The following UFD1 variants were observed in gnomAD, a reference collection of about 807,000 sequenced individuals.
UFD1 encodes the protein ubiquitin recognition factor in ER associated degradation 1.
UFD1 carries 13 observed loss-of-function variants against 45.9 expected under a neutral mutation model. That is an observed-to-expected ratio of 0.28 (90% CI 0.18 to 0.45). UFD1 has a LOEUF of 0.45. Ranked by LOEUF, UFD1 falls within the 20% of genes least tolerant of loss-of-function variation. UFD1 has a pLI of 1.00. For synonymous variants in UFD1, 128 were observed against 139.2 expected (o/e 0.92, Z 0.56); for missense variants, 218 against 389.2 (o/e 0.56, Z 3.70).
intron 11 of UFD1, chr22:19,453,566 G>A (rs1428623951): frequency 3.0e-6 from 3 of 985,398 alleles, no homozygotes; most frequent in Non-Finnish European, 3.6e-6. Flanking sequence ...AGTGAGAAAG[G>A]CAGCCTGTAG....
chr22:19,450,748 G>C lies in UFD1; in HGVS notation c.850-4C>G, dbSNP rs756591953. 2 of 1,614,044 alleles carry C rather than the reference G, an allele frequency of 1.2e-6. No individual in the cohort carries two copies. The highest frequency in any genetic ancestry group is 1.7e-6 in the Non-Finnish European group (2 of 1,179,992). On this transcript the variant is annotated splice_polypyrimidine_tract_variant and splice_region_variant and intron_variant, in intron 11 of 11. Transcript: ENST00000263202. ...CGAATCTGCCTCCAGCTTCATCCTAGGTTTGAAGAGAAGATACTATTTTCA... is the reference window on the plus strand; with the variant it reads ...CGAATCTGCCTCCAGCTTCATCCTACGTTTGAAGAGAAGATACTATTTTCA...
intron 4 of UFD1, among the ~76,000 whole-genome samples, chr22:19,470,207 C>A (rs929179297): frequency 6.6e-6 from 1 of 152,192 alleles, no homozygotes; most frequent in Admixed American, 6.5e-5. Flanking sequence ...TAAAAGCCCC[C>A]CAACAGGCCA....
At chr22:19,459,600 G>C (rs765726181) in intron 6 of UFD1, among the ~76,000 whole-genome samples, 4 of 152,082 alleles carry the variant, frequency 2.6e-5, no homozygotes, top group Non-Finnish European at 5.9e-5. Flanking sequence ...GGGCAACAGA[G>C]CGAGACTCTG....
rs1601910484 is a variant in UFD1, at chr22:19,479,146, AC to A, written c.-62del. 4 of 1,592,404 alleles carry A rather than the reference AC, an allele frequency of 2.5e-6. No homozygotes were observed. Among genetic ancestry groups the A allele is most frequent in the Admixed American group, 1.8e-5 (1 of 56,690 alleles). ...GCAATGCAACGAAGAAACCCCGCCG[AC>A]CGCTCTCCCAGCCGCCGCTGCCGCT... On this transcript the variant is annotated 5_prime_UTR_variant, in exon 1 of 12. Transcript: ENST00000263202.
chr22:19,471,234 A>T (rs2089842543), intron 4 of UFD1: 1 of 514,258 alleles, frequency 1.9e-6, no homozygotes, highest in Non-Finnish European at 3.9e-6. Context: ...AAGGAAAAAG[A>T]CGTCACTCCC....
At position 19,475,531 on chromosome 22, in the gene UFD1, G is replaced by A; in HGVS notation, c.75C>T (p.Cys25=). 1 of 1,614,220 alleles carries A rather than the reference G, an allele frequency of 6.2e-7. No individual in the cohort carries two copies. Among genetic ancestry groups the A allele is most frequent in the African/African-American group, 1.3e-5 (1 of 75,058 alleles). Residue 25 remains cysteine, a synonymous_variant, in exon 2 of 12, where the codon TGC becomes TGT. Coordinates refer to ENST00000263202, the MANE Select transcript of UFD1 (RefSeq NM_005659.7). ...FQNRFSTQYR[C]FSVSMLAGPN... is the part of the protein sequence containing the mutation. ...GCCCTGCTAGCATGGACACAGAGAA[G>A]CAGCGGTACTGTGTGGAGAAGCGGT...
Position 19,467,945 on chromosome 22 carries a change from A to C in UFD1, c.350T>G (p.Leu117Arg). 6.2e-7 allele frequency: 1 copy of C among 1,614,166 alleles called. No individual in the cohort carries two copies. The highest frequency in any genetic ancestry group is 8.5e-7 in the Non-Finnish European group (1 of 1,180,022). ...GAATTTGGAGTAGGTGGCCACTTGAAGGTTGACGCTCTCCACCTGGACCAG... is the reference window on the plus strand; with the variant it reads ...GAATTTGGAGTAGGTGGCCACTTGACGGTTGACGCTCTCCACCTGGACCAG... ...GGLVQVESVNLQVATYSKFQP... is the reference protein window; with the variant it reads ...GGLVQVESVNRQVATYSKFQP... Residue 117 changes from leucine (L) to arginine (R), a missense_variant, in exon 5 of 12, where the codon CTT becomes CGT. Transcript: ENST00000263202.
rs560410561 is a variant in UFD1 at position 19,453,122 on chromosome 22, C to T, written c.849+1627G>A. 2,039 of 985,424 alleles carry T rather than the reference C, an allele frequency of 2.1e-3. 5 individuals carry two copies. Among genetic ancestry groups the T allele is most frequent in the Non-Finnish European group, 2.3e-3 (1,926 of 829,948 alleles). The allele number at this position is 985,424 out of a possible 1,614,324, so 61.0% of individuals were successfully genotyped here. On this transcript the variant is annotated intron_variant, in intron 11 of 11. Coordinates refer to ENST00000263202, the MANE Select transcript of UFD1 (RefSeq NM_005659.7). The stretch of plus-strand genomic sequence containing the variant: ...CTAGAGACCTACTGGAGTCGAGCCT[C>T]CAGCCTTCTGGGATGGGGGAGGGAG...
In UFD1 at chr22:19,455,702, T is replaced by C. The variant is rs752919426; in HGVS notation, c.745A>G (p.Ile249Val). Residue 249 changes from isoleucine to valine, a missense_variant, in exon 10 of 12, where the codon ATC (isoleucine) becomes GTC (valine). This residue lies in a region of UFD1 where 69 missense variants were observed against 81.7 expected (regional missense o/e 0.84). Coordinates refer to ENST00000263202, the MANE Select transcript of UFD1 (RefSeq NM_005659.7). ...TACCTTTTAATATCTCCAGGCTTGA[T>C]TGGGGAGGGGCTGGGCTCTACCCCT... ...KKGVEPSPSP[I>V]KPGDIKRGIP... is the part of the protein sequence containing the mutation. 33 of 1,613,828 alleles carry C rather than the reference T, an allele frequency of 2.0e-5. No individual in the cohort carries two copies. The highest frequency in any genetic ancestry group is 4.0e-5 in the African/African-American group (3 of 74,898).
At chr22:19,465,334 T>C (rs1050127772) in intron 5 of UFD1, 60 bp from the exon 6 acceptor site, 20 of 1,475,630 alleles carry the variant, frequency 1.4e-5, no homozygotes, top group Middle Eastern at 3.4e-4. Context: ...TGAAACAAGT[T>C]TCCATGTTAG....
intron 5 of UFD1, chr22:19,465,868 A>T (rs1277298048): frequency 6.6e-6 from 1 of 152,306 alleles, no homozygotes; most frequent in Non-Finnish European, 1.5e-5. Context: ...TTGAGCTGAT[A>T]ACTTTAGTTA....
At chr22:19,456,702 C>T (rs2089725858) in intron 8 of UFD1, 68 bp from the exon 9 acceptor site, 1 of 1,613,578 alleles carries the variant, frequency 6.2e-7, no homozygotes, top group Admixed American at 1.7e-5. Flanking sequence ...TCACCCCCAC[C>T]CCCGGCTAGG....
intron 11 of UFD1, chr22:19,451,043 G>A (rs2089677788): frequency 9.3e-7 from 1 of 1,074,988 alleles, no homozygotes; most frequent in Admixed American, 4.4e-5. Context: ...AGGATGGTTT[G>A]AGCCAGGGCC....
In UFD1 at chr22:19,455,712, G is replaced by A; in HGVS notation, c.735C>T (p.Ser245=). ...TATCTCCAGGCTTGATTGGGGAGGG[G>A]CTGGGCTCTACCCCTTTCTTCTTTC... ...LDGKKKGVEP[S]PSPIKPGDIK... Residue 245 remains serine, a synonymous_variant, in exon 10 of 12, where the codon AGC becomes AGT. Coordinates refer to ENST00000263202, the MANE Select transcript of UFD1 (RefSeq NM_005659.7). The A allele has an allele frequency of 6.2e-7, 1 of 1,614,072 alleles. No homozygotes were observed. The highest frequency in any genetic ancestry group is 8.5e-7 in the Non-Finnish European group (1 of 1,179,954).
In UFD1 at chr22:19,450,973, C is replaced by G. The variant is rs184894268; in HGVS notation, c.850-229G>C. 3.3e-6 allele frequency: 4 copies of G among 1,202,702 alleles called. No homozygotes were observed. The East Asian group carries it at 1.1e-4, about 32-fold the overall frequency. The allele number at this position is 1,202,702 out of a possible 1,614,324, so 74.5% of individuals were successfully genotyped here. On this transcript the variant is annotated intron_variant, in intron 11 of 11. Coordinates refer to ENST00000263202, the MANE Select transcript of UFD1 (RefSeq NM_005659.7). Reference sequence around the variant, plus strand: ...CAACATAGTGAGATCCCATCTCTACCAAAAATAGCTCAGTGTGGTATGTGC... The same window carrying G: ...CAACATAGTGAGATCCCATCTCTACGAAAAATAGCTCAGTGTGGTATGTGC...
intron 3 of UFD1, 144 bp downstream of exon 3, chr22:19,474,924 G>T: frequency 3.9e-6 from 3 of 765,932 alleles, no homozygotes; most frequent in Non-Finnish European, 4.0e-6. Context: ...GGTTCTCCCA[G>T]CCCAGCGCAT....
At chr22:19,465,714 T>C (rs2089797148) in intron 5 of UFD1, 2 of 157,354 alleles carry the variant, frequency 1.3e-5, no homozygotes, top group Admixed American at 6.2e-5. Flanking sequence ...GTGCATTTTA[T>C]TGTATACAAA....
At chr22:19,459,523 G>A (rs549552337) in intron 6 of UFD1, among the ~76,000 whole-genome samples, 2 of 152,208 alleles carry the variant, frequency 1.3e-5, no homozygotes, top group Non-Finnish European at 2.9e-5. Flanking sequence ...GCTGAGGCAG[G>A]AGAATGGTGT....
At chr22:19,460,684 G>A (rs985897617) in intron 6 of UFD1, among the ~76,000 whole-genome samples, 1 of 151,744 alleles carries the variant, frequency 6.6e-6, no homozygotes, top group Non-Finnish European at 1.5e-5. Context: ...TTATGACAAT[G>A]CCAAATTACT....
Sources: gnomAD v4.1 joint callset for allele counts (sites outside exome capture counted in the v4.1 genomes callset) on GRCh38, gnomAD v4.1.1 for gene constraint, gnomAD v4.1.1 regional missense constraint, MANE v1.5 for transcripts, NCBI Gene and HGNC (gene_info 2026-07-23, HGNC 2026-07-21) for gene names.